DLC1: variants seen among roughly 807,000 people sequenced by gnomAD.
DLC1 encodes the protein DLC1 Rho GTPase activating protein.
DLC1 carries 54 observed loss-of-function variants against 140.3 expected under a neutral mutation model. The observed-to-expected ratio is 0.38, with a 90% CI of 0.31 to 0.48. DLC1 has a LOEUF of 0.48. DLC1 is among the 20% of genes least tolerant of loss of function. DLC1 has a pLI of 0.96. For missense variants in DLC1, 2,536 were observed against 1,907.0 expected, an observed-to-expected ratio of 1.33 and a Z score of -6.14; for synonymous variants, 986 against 728.1, an observed-to-expected ratio of 1.35 and a Z score of -5.70.
At chr8:13,324,881 G>C (rs1435007273) in intron 4 of DLC1, among the ~76,000 whole-genome samples, 1 of 151,866 alleles carries the variant, frequency 6.6e-6, no homozygotes, top group East Asian at 1.9e-4. Flanking sequence ...GTATTTCTAG[G>C]GTGACTATTG....
Position 13,178,620 on chromosome 8 carries a change from T to C in DLC1, c.1349-62963A>G, listed in dbSNP as rs180826510. Among the ~76,000 whole-genome samples the C allele has an allele frequency of 1.1e-3, 153 of 144,640 alleles. 1 individual carries two copies. The Middle Eastern group carries it at 0.018, about 17-fold the overall frequency. The allele number at this position is 144,640 out of a possible 152,430, so 94.9% of individuals were successfully genotyped here. On this transcript the variant is annotated intron_variant, in intron 5 of 17. Transcript: ENST00000276297. Reference sequence around the variant, plus strand: ...ACTGTTCTATATTAACTTCTATACATCCAAAGACACCATTAAGAGAGTGGA... The same window carrying C: ...ACTGTTCTATATTAACTTCTATACACCCAAAGACACCATTAAGAGAGTGGA...
chr8:13,423,417 T>C (rs947552621), intron 2 of DLC1, among the ~76,000 whole-genome samples: 1 of 152,168 alleles, frequency 6.6e-6, no homozygotes, highest in African/African-American at 2.4e-5. Context: ...TTTGGAGAAG[T>C]AGACTTGTTT....
Position 13,085,593 on chromosome 8 carries a change from GCA to G in DLC1, c.*216_*217del, listed in dbSNP as rs1817486127. On this transcript the variant is annotated 3_prime_UTR_variant, in exon 18 of 18. Coordinates refer to ENST00000276297, the MANE Select transcript of DLC1 (RefSeq NM_182643.3). ...ACACATAAATTTTTTTTTTTTTTTT[GCA>G]CAGTCTTACATATTCCAGTCAAGGT... is the stretch of plus-strand genomic sequence containing the variant. 1 of 279,254 alleles carries G rather than the reference GCA, an allele frequency of 3.6e-6. No homozygotes were observed. Among genetic ancestry groups the G allele is most frequent in the East Asian group, 6.9e-5 (1 of 14,430 alleles). 17.3% of individuals were successfully genotyped at this position (279,254 alleles called of 1,614,324 possible). A position where few individuals can be genotyped will look rare whatever the true frequency, so the allele number is the denominator to read the frequency against.
At chr8:13,410,542 G>A (rs746504914) in intron 2 of DLC1, among the ~76,000 whole-genome samples, 33 of 151,468 alleles carry the variant, frequency 2.2e-4, no homozygotes, top group Non-Finnish European at 2.4e-4. Context: ...GTCCTCTCCC[G>A]TTAATCATTT....
At chr8:13,108,116 AT>A (rs1819741846) in intron 7 of DLC1, among the ~76,000 whole-genome samples, 2 of 152,242 alleles carry the variant, frequency 1.3e-5, no homozygotes, top group East Asian at 3.9e-4. Flanking sequence ...TCTTCTGAAC[AT>A]TTGTTTAGGC....
At chr8:13,600,726 T>C (rs952337895) in intron 1 of DLC1, among the ~76,000 whole-genome samples, 5 of 151,930 alleles carry the variant, frequency 3.3e-5, no homozygotes, top group Admixed American at 2.0e-4. Context: ...GTAAATCTTT[T>C]TTTTTAGCAT....
intron 5 of DLC1, among the ~76,000 whole-genome samples, chr8:13,123,860 G>A (rs192997922): frequency 6.6e-6 from 1 of 152,084 alleles, no homozygotes; most frequent in South Asian, 2.1e-4. Flanking sequence ...TTTTGTTCTA[G>A]TAAGTGGTCT....
At chr8:13,243,070 G>A (rs1325489352) in intron 5 of DLC1, among the ~76,000 whole-genome samples, 2 of 151,714 alleles carry the variant, frequency 1.3e-5, no homozygotes, top group Admixed American at 6.6e-5. Context: ...TGGGCAGATC[G>A]CTTGAGGTCA....
intron 5 of DLC1, among the ~76,000 whole-genome samples, chr8:13,217,544 A>G (rs1828262412): frequency 6.6e-6 from 1 of 152,156 alleles, no homozygotes; most frequent in East Asian, 1.9e-4. Flanking sequence ...ATTTATAATT[A>G]AAAACAACTG....
chr8:13,477,323 G>T (rs1800478854), intron 2 of DLC1, among the ~76,000 whole-genome samples: 1 of 152,206 alleles, frequency 6.6e-6, no homozygotes, highest in African/African-American at 2.4e-5. Flanking sequence ...GGAAGACACA[G>T]AAACAGTTAC....
chr8:13,331,202 T>C (rs1833573052), intron 4 of DLC1, among the ~76,000 whole-genome samples: 2 of 152,222 alleles, frequency 1.3e-5, no homozygotes, highest in Admixed American at 1.3e-4. Flanking sequence ...GCCCAAACTT[T>C]TAATTCAATT....
At chr8:13,192,196 C>T (rs1347791483) in intron 5 of DLC1, among the ~76,000 whole-genome samples, 4 of 151,968 alleles carry the variant, frequency 2.6e-5, no homozygotes, top group East Asian at 1.9e-4. Flanking sequence ...GGTGATCTGC[C>T]GGCCTCGGCC....
rs1355618045 is a variant in DLC1 at position 13,083,926 on chromosome 8, C to G, written c.*1885G>C. ...GAAGGCAGCCCAGACTTTTCCCTTACTTTAAACATTTAATAATAGTGCACT... is the reference window on the plus strand; with the variant it reads ...GAAGGCAGCCCAGACTTTTCCCTTAGTTTAAACATTTAATAATAGTGCACT... On this transcript the variant is annotated 3_prime_UTR_variant, in exon 18 of 18. Transcript: ENST00000276297. The G allele has an allele frequency of 1.3e-5, 2 of 152,622 alleles. No individual in the cohort carries two copies. The highest frequency in any genetic ancestry group is 2.9e-5 in the Non-Finnish European group (2 of 68,036). 9.5% of individuals were successfully genotyped at this position (152,622 alleles called of 1,614,324 possible).
At chr8:13,534,688 T>G (rs1250306249) in intron 1 of DLC1, among the ~76,000 whole-genome samples, 1 of 152,180 alleles carries the variant, frequency 6.6e-6, no homozygotes, top group Non-Finnish European at 1.5e-5. Context: ...TGCCTGTCAT[T>G]CGCGTGGCCA....
At chr8:13,099,042 A>G (rs1365627421) in intron 9 of DLC1, among the ~76,000 whole-genome samples, 2 of 129,094 alleles carry the variant, frequency 1.5e-5, no homozygotes, top group Admixed American at 7.7e-5. Context: ...TATACACAAT[A>G]TAAAGTGCAC....
intron 5 of DLC1, among the ~76,000 whole-genome samples, chr8:13,176,469 C>T (rs1174819168): frequency 6.6e-6 from 1 of 152,162 alleles, no homozygotes; most frequent in African/African-American, 2.4e-5. Flanking sequence ...GTCCCAGCTA[C>T]TCTGGAGGCT....
At chr8:13,268,279 A>T (rs1373991453) in intron 5 of DLC1, among the ~76,000 whole-genome samples, 2 of 152,212 alleles carry the variant, frequency 1.3e-5, no homozygotes, top group East Asian at 3.9e-4. Flanking sequence ...TATAAAGAGG[A>T]GAATGGCCAG....
chr8:13,096,018 C>T (rs539015454), intron 10 of DLC1: 2 of 152,348 alleles, frequency 1.3e-5, no homozygotes, highest in African/African-American at 4.8e-5. Context: ...CAGGTCCACC[C>T]CAGCACTATA....
chr8:13,546,745 A>G (rs1803660737), intron 1 of DLC1, among the ~76,000 whole-genome samples: 1 of 152,136 alleles, frequency 6.6e-6, no homozygotes, highest in East Asian at 1.9e-4. Flanking sequence ...GTCTTAGTAA[A>G]TGGCTCTAAG....
Sources: gnomAD v4.1 joint callset for allele counts (sites outside exome capture counted in the v4.1 genomes callset) on GRCh38, gnomAD v4.1.1 for gene constraint, MANE v1.5 for transcripts, NCBI Gene and HGNC (gene_info 2026-07-23, HGNC 2026-07-21) for gene names.